The following GCH1 variants were observed in gnomAD, a reference collection of about 807,000 sequenced individuals.
The protein encoded by GCH1 is GTP cyclohydrolase I.
GCH1 carries 5 observed loss-of-function variants against 25.9 expected under a neutral mutation model. The observed-to-expected ratio is 0.19, with a 90% CI of 0.10 to 0.41. The LOEUF (loss-of-function observed/expected upper bound fraction) is 0.41. GCH1 is among the 10% of genes least tolerant of loss of function. GCH1 has a pLI of 1.00. For missense variants in GCH1, 261 were observed against 336.5 expected (o/e 0.78, Z 1.75); for synonymous variants, 159 against 129.6 (o/e 1.23, Z -1.54).
At chr14:54,870,141 T>G (rs1285387715) in intron 1 of GCH1, among the ~76,000 whole-genome samples, 1 of 152,100 alleles carries the variant, frequency 6.6e-6, no homozygotes, top group Admixed American at 6.6e-5. Flanking sequence ...AAATTCACAT[T>G]GTACATGTAA....
At chr14:54,851,705 T>C (rs2039733500) in intron 3 of GCH1, among the ~76,000 whole-genome samples, 1 of 152,080 alleles carries the variant, frequency 6.6e-6, no homozygotes, top group African/African-American at 2.4e-5. Flanking sequence ...ATGGCAATCA[T>C]TAAAAAGTCA....
At chr14:54,861,917 C>T (rs9671371) in intron 2 of GCH1, among the ~76,000 whole-genome samples, 51,760 of 151,900 alleles carry the variant, frequency 0.34, 9,199 homozygotes, top group African/African-American at 0.39. Context: ...GCTTTCTGTG[C>T]CTAATTTGCT....
At position 54,848,847 on chromosome 14, in the gene GCH1, A is replaced by T. The variant is rs1032783002; in HGVS notation, c.510-1717T>A. ...AAAACCTTAGAAAGGAATGGTTTTT[A>T]AGCTCCTAGATAGGAGGTATGTCAT... On this transcript the variant is annotated intron_variant, in intron 3 of 5. Coordinates refer to ENST00000491895, the MANE Select transcript of GCH1 (RefSeq NM_000161.3). Among the ~76,000 whole-genome samples, 9 of 152,344 alleles carry T rather than the reference A, an allele frequency of 5.9e-5. 1 individual carries two copies. In the South Asian group the frequency reaches 6.2e-4, roughly 11 times the overall value.
chr14:54,899,047 C>T lies in GCH1; in HGVS notation c.343+3274G>A, dbSNP rs142007064. ...CAGGTCAGGATCACCAAGACATCAC[C>T]AGACAATGTGAATTTTTCAGCTCCA... On this transcript the variant is annotated intron_variant, in intron 1 of 5. Transcript: ENST00000491895. Among the ~76,000 whole-genome samples the T allele has an allele frequency of 9.6e-3, 1,465 of 152,288 alleles. 28 individuals carry two copies. The highest frequency in any genetic ancestry group is 0.033 in the African/African-American group (1,374 of 41,574).
chr14:54,896,748 TAA>T (rs928176000), intron 1 of GCH1, among the ~76,000 whole-genome samples: 78 of 147,804 alleles, frequency 5.3e-4, no homozygotes, highest in East Asian at 2.7e-3. Context: ...CCATCTCTAC[TAA>T]AAAAATACAA....
rs369653309 is a variant in GCH1, at chr14:54,843,753, T to C, written c.*264A>G. ...CTCCCTTCCCAGGCCCCTCTGGTTA[T>C]CTGGCAGTGGTTTTGTGCACGTACT... On this transcript the variant is annotated 3_prime_UTR_variant, in exon 6 of 6. Coordinates refer to ENST00000491895, the MANE Select transcript of GCH1 (RefSeq NM_000161.3). The C allele has an allele frequency of 3.7e-6, 6 of 1,613,950 alleles. No individual in the cohort carries two copies. Among genetic ancestry groups the C allele is most frequent in the East Asian group, 2.2e-5 (1 of 44,876 alleles).
chr14:54,885,752 G>A (rs1242920652), intron 1 of GCH1, among the ~76,000 whole-genome samples: 1 of 152,184 alleles, frequency 6.6e-6, no homozygotes, highest in Non-Finnish European at 1.5e-5. Flanking sequence ...AGCTGGGTGC[G>A]GTGGAATGCG....
At chr14:54,863,145 T>C (rs576068917) in intron 2 of GCH1, among the ~76,000 whole-genome samples, 46 of 151,904 alleles carry the variant, frequency 3.0e-4, no homozygotes, top group South Asian at 1.0e-3. Flanking sequence ...TAGGGCCAGG[T>C]GCGGTGGCTC....
intron 3 of GCH1, among the ~76,000 whole-genome samples, chr14:54,850,708 T>C (rs1205319774): frequency 1.3e-5 from 2 of 152,186 alleles, no homozygotes; most frequent in Non-Finnish European, 2.9e-5. Context: ...AATTGTCACC[T>C]ATGAGTGAGA....
intron 1 of GCH1, among the ~76,000 whole-genome samples, chr14:54,876,593 G>A (rs946723465): frequency 4.6e-5 from 7 of 152,116 alleles, no homozygotes; most frequent in African/African-American, 1.4e-4. Context: ...CAGGATAGGA[G>A]TTTGAGGCTG....
At chr14:54,875,712 AAG>A (rs2040148832) in intron 1 of GCH1, among the ~76,000 whole-genome samples, 1 of 152,260 alleles carries the variant, frequency 6.6e-6, no homozygotes, top group Non-Finnish European at 1.5e-5. Context: ...TTCTCAAAAG[AAG>A]ACCTTTATGC....
intron 3 of GCH1, among the ~76,000 whole-genome samples, chr14:54,850,085 T>C (rs1263108942): frequency 6.6e-6 from 1 of 151,686 alleles, no homozygotes; most frequent in Non-Finnish European, 1.5e-5. Flanking sequence ...AGCAATTCTC[T>C]ACCTCAGGTT....
chr14:54,881,039 G>C (rs146540091), intron 1 of GCH1, among the ~76,000 whole-genome samples: 2,057 of 151,288 alleles, frequency 0.014, 39 homozygotes, highest in South Asian at 0.041. Context: ...TGGTCAGGCT[G>C]GTCTTGAACT....
At chr14:54,875,146 C>T (rs2040139304) in intron 1 of GCH1, among the ~76,000 whole-genome samples, 1 of 151,978 alleles carries the variant, frequency 6.6e-6, no homozygotes, top group Non-Finnish European at 1.5e-5. Flanking sequence ...TGGAACAGAA[C>T]ACAGCCCTCA....
At chr14:54,887,765 G>A (rs181421190) in intron 1 of GCH1, among the ~76,000 whole-genome samples, 220 of 152,230 alleles carry the variant, frequency 1.4e-3, no homozygotes, top group Non-Finnish European at 1.6e-3. Flanking sequence ...ATCAGTAAAC[G>A]AATAAACTAC....
intron 1 of GCH1, among the ~76,000 whole-genome samples, chr14:54,896,898 TAC>T (rs1316844671): frequency 7.4e-6 from 1 of 135,494 alleles, no homozygotes; most frequent in Non-Finnish European, 1.5e-5. Context: ...CAGCCTGGGC[TAC>T]AGAGTGAGAC....
intron 3 of GCH1, chr14:54,859,105 C>T (rs17128028): frequency 0.048 from 7,438 of 155,808 alleles, 655 homozygotes; most frequent in African/African-American, 0.17. Context: ...TAGACATGAA[C>T]GGACTGGCCT....
At chr14:54,873,984 A>G (rs938786413) in intron 1 of GCH1, among the ~76,000 whole-genome samples, 2 of 152,206 alleles carry the variant, frequency 1.3e-5, no homozygotes, top group African/African-American at 2.4e-5. Context: ...ATCCTCCCTA[A>G]CTCATTTTAT....
intron 2 of GCH1, among the ~76,000 whole-genome samples, chr14:54,861,547 A>AC (rs1446863044): frequency 2.6e-5 from 4 of 151,916 alleles, no homozygotes; most frequent in Admixed American, 6.6e-5. Context: ...ACATGGTGAG[A>AC]CCCCATCTCT....
Sources: allele counts gnomAD v4.1 joint callset (sites outside exome capture counted in the v4.1 genomes callset), GRCh38; gene constraint gnomAD v4.1.1; transcripts MANE v1.5; gene names NCBI Gene and HGNC (gene_info 2026-07-23, HGNC 2026-07-21).